The following RPRD2 variants were observed in gnomAD, a reference collection of about 807,000 sequenced individuals.
RPRD2 encodes regulation of nuclear pre-mRNA domain-containing protein 2.
RPRD2 carries 12 observed loss-of-function variants against 104.4 expected under a neutral mutation model. The ratio of observed to expected loss-of-function variants is 0.11; its 90% confidence interval spans 0.07 to 0.19. The LOEUF is 0.19. RPRD2 is among the 10% of genes least tolerant of loss of function. RPRD2 has a pLI of 1.00. For synonymous variants in RPRD2, 714 were observed against 684.9 expected, an observed-to-expected ratio of 1.04 and a Z score of -0.66; for missense variants, 1,543 against 1,790.1, an observed-to-expected ratio of 0.86 and a Z score of 2.49.
intron 1 of RPRD2, among the ~76,000 whole-genome samples, chr1:150,401,404 C>A (rs1421649690): frequency 6.6e-6 from 1 of 151,524 alleles, no homozygotes; most frequent in Non-Finnish European, 1.5e-5. Context: ...AGAAGAATTG[C>A]TTGAACCTGT....
chr1:150,377,698 T>C (rs1219621212), intron 1 of RPRD2, among the ~76,000 whole-genome samples: 1 of 152,166 alleles, frequency 6.6e-6, no homozygotes, highest in Admixed American at 6.5e-5. Flanking sequence ...TCTAACAGTT[T>C]AGAATAGGTA....
chr1:150,460,317 G>A lies in RPRD2; in HGVS notation c.1411G>A (p.Gly471Arg), dbSNP rs781916986. Residue 471 changes from glycine to arginine, a missense_variant and splice_region_variant, in exon 9 of 11, where the codon GGG (glycine) becomes AGG (arginine). Gly to Arg is a moderately radical substitution (Grantham distance 125). Around this residue, in one of 4 missense-constraint regions of RPRD2, gnomAD observed 572 missense variants for 787.3 expected, o/e 0.73. Coordinates refer to ENST00000369068, the MANE Select transcript of RPRD2 (RefSeq NM_015203.5). ...SSLTSVMKNTGVSPASRPSPG... is the reference protein window; with the variant it reads ...SSLTSVMKNTRVSPASRPSPG... Reference sequence around the variant, plus strand: ...TTTAACATCAGTCATGAAAAATACTGGTAAGTAAGCCCAGTAAGGAGGATA... The same window carrying A: ...TTTAACATCAGTCATGAAAAATACTAGTAAGTAAGCCCAGTAAGGAGGATA... 5 of 1,609,040 alleles carry A rather than the reference G, an allele frequency of 3.1e-6. No individual in the cohort carries two copies. The African/African-American group carries it at 6.7e-5, about 21-fold the overall frequency.
rs1553892385 is a variant in RPRD2 at position 150,433,504 on chromosome 1, G to GGA, written c.336-7419_336-7418insGA. Among the ~76,000 whole-genome samples, 58 of 140,850 alleles carry GGA rather than the reference G, an allele frequency of 4.1e-4. 1 individual carries two copies. The highest frequency in any genetic ancestry group is 1.2e-4 in the Non-Finnish European group (8 of 66,314). 92.4% of individuals were successfully genotyped at this position (140,850 alleles called of 152,430 possible). A position where few individuals can be genotyped will look rare whatever the true frequency, so the allele number is the denominator to read the frequency against. On this transcript the variant is annotated intron_variant, in intron 2 of 10. Coordinates refer to ENST00000369068, the MANE Select transcript of RPRD2 (RefSeq NM_015203.5). ...CTGTCACCCAGGCTGGAGTGCAGTG[G>GGA]CGCAATCTCAGCTCACTGCAAGCTC...
chr1:150,470,027 T>C (rs888285770), intron 10 of RPRD2, among the ~76,000 whole-genome samples: 4 of 152,000 alleles, frequency 2.6e-5, no homozygotes, highest in Non-Finnish European at 5.9e-5. Flanking sequence ...TCAGATAAGT[T>C]TCTGAAATTT....
intron 8 of RPRD2, among the ~76,000 whole-genome samples, chr1:150,459,358 G>A (rs1459528552): frequency 2.0e-5 from 3 of 152,152 alleles, no homozygotes; most frequent in African/African-American, 7.2e-5. Flanking sequence ...AAAATACAAT[G>A]AACACTATAG....
rs782552649 is a variant in RPRD2 at position 150,457,536 on chromosome 1, C to T, written c.1119C>T (p.Leu373=). The change falls in exon 8 of 11, where the codon CTC becomes CTT. Residue 373 remains leucine (L), a synonymous_variant. Coordinates refer to ENST00000369068, the MANE Select transcript of RPRD2 (RefSeq NM_015203.5). ...ATCGTGATGTGGAAGACATGGAACT[C>T]TCAGATGTGGAAGATGATGGGTCAA... The part of the protein sequence containing the change: ...TDNRDVEDME[L]SDVEDDGSKI... 3 of 1,613,902 alleles carry T rather than the reference C, an allele frequency of 1.9e-6. No individual in the cohort carries two copies. The highest frequency in any genetic ancestry group is 2.2e-5 in the East Asian group (1 of 44,880).
chr1:150,464,782 A>C, intron 10 of RPRD2, 55 bp downstream of exon 10: 1 of 1,363,364 alleles, frequency 7.3e-7, no homozygotes, highest in Non-Finnish European at 1.0e-6. Flanking sequence ...TCTGGCTTAA[A>C]TTAATCCTGG....
intron 1 of RPRD2, among the ~76,000 whole-genome samples, chr1:150,414,102 A>T (rs1664147057): frequency 6.6e-6 from 1 of 152,088 alleles, no homozygotes; most frequent in Admixed American, 6.6e-5. Flanking sequence ...AATCAAGCTC[A>T]GGGTGCCTCG....
intron 2 of RPRD2, among the ~76,000 whole-genome samples, chr1:150,422,638 C>T (rs782645910): frequency 3.6e-4 from 55 of 152,100 alleles, no homozygotes; most frequent in Non-Finnish European, 7.2e-4. Context: ...AAACTTTTCT[C>T]GCTTTTAAAC....
chr1:150,419,209 A>G (rs1327742283), intron 2 of RPRD2, among the ~76,000 whole-genome samples: 1 of 152,148 alleles, frequency 6.6e-6, no homozygotes, highest in Non-Finnish European at 1.5e-5. Context: ...TGTTTTCTAT[A>G]AGAGGCACAC....
At chr1:150,450,613 A>G (rs1265642510) in intron 7 of RPRD2, among the ~76,000 whole-genome samples, 2 of 149,238 alleles carry the variant, frequency 1.3e-5, no homozygotes, top group Non-Finnish European at 3.0e-5. Context: ...CTCAAAAAAA[A>G]AAAAAAAAAA....
At chr1:150,372,806 G>A (rs1054874008) in intron 1 of RPRD2, among the ~76,000 whole-genome samples, 2 of 152,038 alleles carry the variant, frequency 1.3e-5, no homozygotes, top group African/African-American at 4.8e-5. Context: ...AGTGTGCCTG[G>A]TGAGTTTAGG....
At chr1:150,431,292 G>C (rs1490344477) in intron 2 of RPRD2, among the ~76,000 whole-genome samples, 9 of 151,922 alleles carry the variant, frequency 5.9e-5, no homozygotes, top group African/African-American at 1.9e-4. Flanking sequence ...TCTACCTCTA[G>C]ATATATACCC....
At chr1:150,393,347 A>G (rs1662233598) in intron 1 of RPRD2, among the ~76,000 whole-genome samples, 1 of 147,730 alleles carries the variant, frequency 6.8e-6, no homozygotes, top group Non-Finnish European at 1.5e-5. Flanking sequence ...AGTCCCAGCT[A>G]TTTAGGAGGC....
Position 150,473,419 on chromosome 1 carries a change from T to TAGAA in RPRD2, c.*85_*86insAGAA. On this transcript the variant is annotated 3_prime_UTR_variant, in exon 11 of 11. Coordinates refer to ENST00000369068, the MANE Select transcript of RPRD2 (RefSeq NM_015203.5). ...TTTATTGTTGTTGTTTTTATTTGTT[T>TAGAA]TCTCTTTCTCGATTTTTTTTTTATT... 7.3e-7 allele frequency: 1 copy of TAGAA among 1,363,516 alleles called. No individual in the cohort carries two copies. Among genetic ancestry groups the TAGAA allele is most frequent in the Non-Finnish European group, 9.9e-7 (1 of 1,012,496 alleles). 84.5% of individuals were successfully genotyped at this position (1,363,516 alleles called of 1,614,324 possible).
At chr1:150,431,889 T>TA (rs1489648095) in intron 2 of RPRD2, among the ~76,000 whole-genome samples, 2 of 152,174 alleles carry the variant, frequency 1.3e-5, no homozygotes, top group African/African-American at 2.4e-5. Context: ...TGATGCCACT[T>TA]ACATCAGTCA....
intron 7 of RPRD2, among the ~76,000 whole-genome samples, chr1:150,450,492 A>G (rs1390617981): frequency 4.0e-5 from 6 of 148,450 alleles, no homozygotes; most frequent in Admixed American, 2.7e-4. Context: ...CTGTAGTCCC[A>G]CTACTCCGCA....
chr1:150,374,979 CCT>C (rs1223068277), intron 1 of RPRD2, among the ~76,000 whole-genome samples: 4 of 150,344 alleles, frequency 2.7e-5, no homozygotes, highest in African/African-American at 9.8e-5. Context: ...TATTATCCAC[CCT>C]CTCCCTCCCC....
At chr1:150,408,139 A>C (rs1346108510) in intron 1 of RPRD2, among the ~76,000 whole-genome samples, 2 of 137,326 alleles carry the variant, frequency 1.5e-5, no homozygotes, top group African/African-American at 5.5e-5. Context: ...AATAACATTT[A>C]TTTTAAAATA....
Sources: gnomAD v4.1 joint callset for allele counts (sites outside exome capture counted in the v4.1 genomes callset) on GRCh38, gnomAD v4.1.1 for gene constraint, gnomAD v4.1.1 regional missense constraint, MANE v1.5 for transcripts, NCBI Gene and HGNC (gene_info 2026-07-23, HGNC 2026-07-21) for gene names.